The following PCSK5 variants were observed in gnomAD, a reference collection of about 807,000 sequenced individuals.
PCSK5 encodes proprotein convertase subtilisin/kexin type 5.
A neutral mutation model predicts 233.2 loss-of-function variants in PCSK5; 129 were observed. That is an observed-to-expected ratio of 0.55 (90% CI 0.48 to 0.64). The LOEUF (loss-of-function observed/expected upper bound fraction) is 0.64. Among genes scored for constraint, PCSK5 ranks in the 30% least tolerant of loss-of-function variants. PCSK5 has a pLI of 0.00. For synonymous variants in PCSK5, 825 were observed against 879.2 expected, an observed-to-expected ratio of 0.94 and a Z score of 1.09; for missense variants, 2,076 against 2,430.1, an observed-to-expected ratio of 0.85 and a Z score of 3.06.
At position 76,311,194 on chromosome 9, in the gene PCSK5, C is replaced by T. The variant is rs1828856446; in HGVS notation, c.3884+343C>T. Among the ~76,000 whole-genome samples the T allele has an allele frequency of 2.0e-5, 3 of 152,032 alleles. No individual in the cohort carries two copies. In the South Asian group the frequency reaches 6.2e-4, roughly 32 times the overall value. On this transcript the variant is annotated intron_variant, in intron 30 of 37. Transcript: ENST00000674117. The stretch of plus-strand genomic sequence containing the variant: ...GACCAGCCTAGGCAACATAGCAAGA[C>T]TCCGTCTACAAAATATTTAAAAATT...
chr9:76,298,615 C>T (rs1355046355), intron 27 of PCSK5, among the ~76,000 whole-genome samples: 2 of 150,038 alleles, frequency 1.3e-5, no homozygotes, highest in Non-Finnish European at 3.0e-5. Context: ...AGTATTTGAG[C>T]CAATGCCTAC....
intron 30 of PCSK5, among the ~76,000 whole-genome samples, chr9:76,313,071 C>A (rs139091002): frequency 5.3e-5 from 8 of 152,088 alleles, no homozygotes; most frequent in African/African-American, 1.9e-4. Flanking sequence ...CCCATTAATC[C>A]TCACAAGAAT....
chr9:75,994,426 T>C (rs867251726), intron 3 of PCSK5, among the ~76,000 whole-genome samples: 43,107 of 88,874 alleles, frequency 0.49, 9,693 homozygotes, highest in Non-Finnish European at 0.56. Flanking sequence ...TTTTTTTTTT[T>C]TTTTTTTTTT....
At chr9:76,293,292 G>A (rs572679969) in intron 25 of PCSK5, among the ~76,000 whole-genome samples, 18 of 152,292 alleles carry the variant, frequency 1.2e-4, no homozygotes, top group African/African-American at 4.3e-4. Flanking sequence ...GAGAGAAAGG[G>A]AAGCCCAACA....
At chr9:76,021,147 A>G (rs1351413614) in intron 3 of PCSK5, among the ~76,000 whole-genome samples, 1 of 152,152 alleles carries the variant, frequency 6.6e-6, no homozygotes, top group Admixed American at 6.5e-5. Context: ...ATATGCCCCC[A>G]TTTTTGGGAT....
At chr9:76,130,338 C>G (rs2131737892) in intron 9 of PCSK5, among the ~76,000 whole-genome samples, 1 of 152,244 alleles carries the variant, frequency 6.6e-6, no homozygotes, top group East Asian at 1.9e-4. Flanking sequence ...AACTTCCTGA[C>G]AAATAGATGT....
At chr9:76,086,990 C>T (rs1481126603) in intron 7 of PCSK5, among the ~76,000 whole-genome samples, 1 of 152,196 alleles carries the variant, frequency 6.6e-6, no homozygotes, top group Non-Finnish European at 1.5e-5. Flanking sequence ...TTGGTAAACA[C>T]ACCCAGTTTT....
intron 2 of PCSK5, among the ~76,000 whole-genome samples, chr9:75,953,638 GTGTGTGTC>G (rs996865551): frequency 2.1e-5 from 3 of 141,264 alleles, no homozygotes; most frequent in African/African-American, 5.0e-5. Flanking sequence ...GTGCATATGT[GTGTGTGTC>G]TGTGTGTGTG....
intron 20 of PCSK5, among the ~76,000 whole-genome samples, chr9:76,207,287 A>G (rs1825155712): frequency 6.6e-6 from 1 of 152,160 alleles, no homozygotes; most frequent in African/African-American, 2.4e-5. Context: ...TTTGGAGGCC[A>G]TTTTACGGCC....
At chr9:75,950,136 T>C (rs1475449329) in intron 2 of PCSK5, among the ~76,000 whole-genome samples, 1 of 33,988 alleles carries the variant, frequency 2.9e-5, no homozygotes, top group African/African-American at 1.7e-4. Context: ...CACACTTGTG[T>C]GTGTGTGTGG....
intron 24 of PCSK5, among the ~76,000 whole-genome samples, chr9:76,247,143 T>C (rs1036222322): frequency 5.3e-5 from 8 of 152,154 alleles, no homozygotes; most frequent in African/African-American, 1.9e-4. Flanking sequence ...GGAGTGGCAA[T>C]GGGCACCTCG....
At chr9:75,967,011 G>A (rs1440972885) in intron 2 of PCSK5, among the ~76,000 whole-genome samples, 1 of 152,146 alleles carries the variant, frequency 6.6e-6, no homozygotes, top group Non-Finnish European at 1.5e-5. Flanking sequence ...CTTCAAGGGG[G>A]GAAGGAGGTA....
intron 2 of PCSK5, among the ~76,000 whole-genome samples, chr9:75,952,844 G>A (rs1296228106): frequency 1.3e-5 from 2 of 152,142 alleles, no homozygotes; most frequent in African/African-American, 4.8e-5. Context: ...GATGTATCAT[G>A]GCTTGTTGAT....
intron 5 of PCSK5, among the ~76,000 whole-genome samples, chr9:76,039,833 A>G (rs1829017111): frequency 6.6e-6 from 1 of 152,210 alleles, no homozygotes; most frequent in South Asian, 2.1e-4. Flanking sequence ...GCCTTGGGCT[A>G]TAAACTCAGT....
chr9:76,189,460 T>TA (rs1824260401), intron 19 of PCSK5, among the ~76,000 whole-genome samples, 171 bp from the exon 20 acceptor site: 1 of 152,198 alleles, frequency 6.6e-6, no homozygotes, highest in African/African-American at 2.4e-5. Flanking sequence ...CCATACCCTT[T>TA]AAAATCACAG....
At chr9:75,955,402 A>T (rs974276936) in intron 2 of PCSK5, among the ~76,000 whole-genome samples, 1 of 152,106 alleles carries the variant, frequency 6.6e-6, no homozygotes, top group South Asian at 2.1e-4. Flanking sequence ...TCACCAACAC[A>T]CGTGCTTTGT....
intron 5 of PCSK5, among the ~76,000 whole-genome samples, chr9:76,067,678 GA>G (rs1390331753): frequency 6.6e-6 from 1 of 152,180 alleles, no homozygotes; most frequent in Non-Finnish European, 1.5e-5. Context: ...AAGTTTGGGG[GA>G]TATAGAAACG....
At chr9:75,890,597 G>C (rs921821666), upstream of PCSK5, 1 of 153,020 alleles carries the variant, frequency 6.5e-6, no homozygotes, top group African/African-American at 2.4e-5. Flanking sequence ...GGGAGAGGAG[G>C]AGGGCGATGT....
At chr9:76,226,579 T>A (rs1339531590) in intron 20 of PCSK5, among the ~76,000 whole-genome samples, 2 of 152,068 alleles carry the variant, frequency 1.3e-5, no homozygotes. Context: ...CTGTCAGAGT[T>A]GGAGGGGGTT....
Sources: gnomAD v4.1 joint callset for allele counts (sites outside exome capture counted in the v4.1 genomes callset) on GRCh38, gnomAD v4.1.1 for gene constraint, MANE v1.5 for transcripts, NCBI Gene and HGNC (gene_info 2026-07-23, HGNC 2026-07-21) for gene names.